The following GNA12 variants were observed in gnomAD, a reference collection of about 807,000 sequenced individuals.
GNA12 encodes G protein subunit alpha 12.
A neutral mutation model predicts 26.0 loss-of-function variants in GNA12; 9 were observed. That is an observed-to-expected ratio of 0.35 (90% CI 0.21 to 0.60). The LOEUF (loss-of-function observed/expected upper bound fraction) is 0.60. GNA12 is among the 20% of genes least tolerant of loss of function. The pLI, the probability that GNA12 is intolerant of heterozygous loss-of-function variation, is 0.78. For synonymous variants in GNA12, 264 were observed against 219.6 expected, an observed-to-expected ratio of 1.20 and a Z score of -1.79; for missense variants, 405 against 525.8, an observed-to-expected ratio of 0.77 and a Z score of 2.25.
chr7:2,806,464 A>T (rs1432210107), intron 1 of GNA12, among the ~76,000 whole-genome samples: 1 of 151,014 alleles, frequency 6.6e-6, no homozygotes, highest in Non-Finnish European at 1.5e-5. Flanking sequence ...TCTCAAAAAA[A>T]AAAAAAAAAA....
At chr7:2,741,148 A>C (rs912742170) in intron 2 of GNA12, among the ~76,000 whole-genome samples, 1 of 152,254 alleles carries the variant, frequency 6.6e-6, no homozygotes, top group African/African-American at 2.4e-5. Flanking sequence ...AATGAGCTAG[A>C]AAGAAATTTT....
intron 1 of GNA12, among the ~76,000 whole-genome samples, chr7:2,803,414 G>T (rs376491764): frequency 3.3e-5 from 5 of 152,338 alleles, no homozygotes; most frequent in African/African-American, 1.2e-4. Context: ...AGGCAGGGAA[G>T]GAGCAGCTAA....
chr7:2,799,460 T>C (rs186012197), intron 1 of GNA12, among the ~76,000 whole-genome samples: 2 of 152,226 alleles, frequency 1.3e-5, no homozygotes, highest in Admixed American at 6.5e-5. Context: ...CACACGCTGA[T>C]AGTTCCAGCT....
At chr7:2,826,193 A>G (rs750446494) in intron 1 of GNA12, among the ~76,000 whole-genome samples, 1 of 152,038 alleles carries the variant, frequency 6.6e-6, no homozygotes, top group Admixed American at 6.5e-5. Flanking sequence ...CCAGGCCAAC[A>G]TGGTGAAACT....
At chr7:2,783,642 T>C (rs1275784674) in intron 2 of GNA12, among the ~76,000 whole-genome samples, 1 of 136,870 alleles carries the variant, frequency 7.3e-6, no homozygotes, top group Admixed American at 7.3e-5. Flanking sequence ...GCTTAGAGGC[T>C]GTAACACATT....
chr7:2,837,454 T>A (rs1312312886), intron 1 of GNA12, among the ~76,000 whole-genome samples: 1 of 152,164 alleles, frequency 6.6e-6, no homozygotes, highest in African/African-American at 2.4e-5. Flanking sequence ...CTTCCCACAT[T>A]TGGCAAGAGA....
chr7:2,821,330 G>A (rs541003534), intron 1 of GNA12, among the ~76,000 whole-genome samples: 1 of 152,106 alleles, frequency 6.6e-6, no homozygotes, highest in Non-Finnish European at 1.5e-5. Context: ...CTGCTGACTC[G>A]GGCAAAAAGA....
intron 2 of GNA12, among the ~76,000 whole-genome samples, chr7:2,736,521 G>A (rs1790185234): frequency 6.6e-6 from 1 of 152,210 alleles, no homozygotes; most frequent in South Asian, 2.1e-4. Flanking sequence ...GGGGCTGGTG[G>A]CAGTGAAAGA....
chr7:2,803,893 A>G (rs1190777583), intron 1 of GNA12, among the ~76,000 whole-genome samples: 1 of 152,102 alleles, frequency 6.6e-6, no homozygotes, highest in African/African-American at 2.4e-5. Flanking sequence ...CCAGGGCTCC[A>G]TTTCAAAACT....
At chr7:2,772,261 G>A (rs1359688842) in intron 2 of GNA12, among the ~76,000 whole-genome samples, 1 of 152,154 alleles carries the variant, frequency 6.6e-6, no homozygotes, top group Non-Finnish European at 1.5e-5. Flanking sequence ...GCCAACAGAT[G>A]TACAAAAGGT....
intron 1 of GNA12, among the ~76,000 whole-genome samples, chr7:2,841,385 A>G (rs988327459): frequency 1.1e-4 from 17 of 152,306 alleles, no homozygotes; most frequent in Non-Finnish European, 1.3e-4. Flanking sequence ...AAACTGCTAT[A>G]CTTTTATGCC....
At chr7:2,741,180 C>T (rs565373862) in intron 2 of GNA12, among the ~76,000 whole-genome samples, 2 of 152,178 alleles carry the variant, frequency 1.3e-5, no homozygotes, top group Admixed American at 1.3e-4. Context: ...TAAGGTATTC[C>T]CCTGCCTCTA....
chr7:2,735,637 G>A (rs1439883562), intron 2 of GNA12, among the ~76,000 whole-genome samples: 35 of 152,334 alleles, frequency 2.3e-4, no homozygotes, highest in Non-Finnish European at 5.9e-5. Context: ...AACACTCACT[G>A]CTGCTTTCTC....
intron 2 of GNA12, chr7:2,762,866 C>T (rs890231440): frequency 6.9e-6 from 10 of 1,452,248 alleles, no homozygotes; most frequent in Admixed American, 5.2e-5. Flanking sequence ...AGGGCCAGCT[C>T]CGAGCCCTGC....
At chr7:2,789,109 C>A (rs2533890) in intron 2 of GNA12, among the ~76,000 whole-genome samples, 3 of 148,446 alleles carry the variant, frequency 2.0e-5, no homozygotes, top group African/African-American at 5.0e-5. Context: ...CGTGAGCCAC[C>A]GTGCCCGGAC....
At chr7:2,750,148 G>A (rs534951982) in intron 2 of GNA12, among the ~76,000 whole-genome samples, 1 of 152,134 alleles carries the variant, frequency 6.6e-6, no homozygotes, top group Non-Finnish European at 1.5e-5. Context: ...AGACTCTCCG[G>A]TCTGACATGT....
At chr7:2,812,612 AG>A (rs1282670555) in intron 1 of GNA12, among the ~76,000 whole-genome samples, 2 of 151,858 alleles carry the variant, frequency 1.3e-5, no homozygotes, top group East Asian at 3.9e-4. Context: ...CTGGGCAACA[AG>A]AGTGAAACTC....
Position 2,836,540 on chromosome 7 carries a change from C to G in GNA12, c.309+7313G>C, listed in dbSNP as rs143015448. Among the ~76,000 whole-genome samples, 300 of 152,296 alleles carry G rather than the reference C, an allele frequency of 2.0e-3. 3 individuals are homozygous for G. Among genetic ancestry groups the G allele is most frequent in the African/African-American group, 6.8e-3 (281 of 41,552 alleles). On this transcript the variant is annotated intron_variant, in intron 1 of 3. Coordinates refer to ENST00000275364, the MANE Select transcript of GNA12 (RefSeq NM_007353.3). ...AGCCAAAAGGTACAGAGAAAAAGAA[C>G]TCCAAGAAGAGCCTGTTCTTGGCCA...
chr7:2,752,243 C>A (rs955844052), intron 2 of GNA12, among the ~76,000 whole-genome samples: 7 of 151,882 alleles, frequency 4.6e-5, no homozygotes, highest in Admixed American at 3.9e-4. Flanking sequence ...ATGCTCAGGG[C>A]TTAAAAAAAA....
Sources: gnomAD v4.1 joint callset for allele counts (sites outside exome capture counted in the v4.1 genomes callset) on GRCh38, gnomAD v4.1.1 for gene constraint, MANE v1.5 for transcripts, NCBI Gene and HGNC (gene_info 2026-07-23, HGNC 2026-07-21) for gene names.